Variants in ARL17B observed in about 807,000 individuals in gnomAD.
ARL17B encodes ARF like GTPase 17B.
At chr17:46,340,182 CA>C (rs1271632616) in intron 3 of ARL17B, among the ~76,000 whole-genome samples, 1 of 99,102 alleles carries the variant, frequency 1.0e-5, no homozygotes, top group African/African-American at 3.1e-5. Flanking sequence ...AAGGTATCCA[CA>C]GGGAAATTCA....
intron 4 of ARL17B, among the ~76,000 whole-genome samples, chr17:46,282,204 GCC>G: frequency 8.5e-6 from 1 of 117,588 alleles, no homozygotes; most frequent in Non-Finnish European, 2.2e-5. Flanking sequence ...CCGGGTTCAT[GCC>G]ATTCTCCTGC....
downstream of ARL17B, chr17:46,334,589 T>TA (rs1328019253): frequency 2.6e-5 from 1 of 38,588 alleles, no homozygotes; most frequent in Non-Finnish European, 4.6e-5. Context: ...GCAGCTAATT[T>TA]AAAAAATGTG....
At chr17:46,287,153 C>G (rs2696499) in intron 4 of ARL17B, among the ~76,000 whole-genome samples, 21,698 of 151,742 alleles carry the variant, frequency 0.14, 1,927 homozygotes, top group Non-Finnish European at 0.22. Flanking sequence ...ATCACATGTG[C>G]AAACAAAGTC....
chr17:46,333,267 C>A (rs562987666), downstream of ARL17B, among the ~76,000 whole-genome samples: 17 of 59,364 alleles, frequency 2.9e-4, 3 homozygotes, highest in African/African-American at 5.5e-4. Context: ...TGAGCCTATA[C>A]CCTCTGTGAG....
At chr17:46,284,038 A>G (rs1042903839) in intron 4 of ARL17B, among the ~76,000 whole-genome samples, 2 of 152,170 alleles carry the variant, frequency 1.3e-5, no homozygotes, top group African/African-American at 4.8e-5. Flanking sequence ...GGAACATACA[A>G]TCGGGTTTTA....
At chr17:46,289,032 A>C (rs2049996405) in intron 4 of ARL17B, among the ~76,000 whole-genome samples, 2 of 152,138 alleles carry the variant, frequency 1.3e-5, no homozygotes, top group Non-Finnish European at 2.9e-5. Flanking sequence ...GCATTTTGCC[A>C]TACTTTTTAA....
exon 5 of ARL17B, chr17:46,274,821 C>G (rs1244205671): frequency 6.6e-6 from 1 of 152,256 alleles, no homozygotes; most frequent in Non-Finnish European, 1.5e-5. Context: ...CTCGCTTCTG[C>G]CACAATAATA....
At position 46,323,962 on chromosome 17, in the gene ARL17B, C is replaced by A. The variant is rs1464040918; in HGVS notation, c.260-24297G>T. On this transcript the variant is annotated intron_variant, in intron 3 of 4. Transcript: ENST00000434041. ...CTGAGGCTGTATACAAACATTATGT[C>A]ATTTCATAAAAAAGACCTCAGCATC... Among the ~76,000 whole-genome samples the A allele has an allele frequency of 3.9e-5, 4 of 101,772 alleles. 1 individual carries two copies. In the East Asian group the frequency reaches 9.9e-4, roughly 25 times the overall value. The allele number at this position is 101,772 out of a possible 152,430, so 66.8% of individuals were successfully genotyped here.
intron 4 of ARL17B, among the ~76,000 whole-genome samples, chr17:46,284,166 G>A (rs548756339): frequency 3.2e-4 from 49 of 152,338 alleles, no homozygotes; most frequent in African/African-American, 1.1e-3. Flanking sequence ...ACCCTTTAAG[G>A]GTGTCAGGCT....
chr17:46,279,827 G>A (rs1411056387), intron 4 of ARL17B, among the ~76,000 whole-genome samples: 3 of 152,092 alleles, frequency 2.0e-5, no homozygotes, highest in Non-Finnish European at 4.4e-5. Context: ...TTTGTTTTTA[G>A]TGGCGTTTCT....
intron 4 of ARL17B, among the ~76,000 whole-genome samples, chr17:46,277,578 G>T (rs552815427): frequency 2.0e-5 from 3 of 152,088 alleles, no homozygotes; most frequent in South Asian, 4.1e-4. Flanking sequence ...TGAAATCCAG[G>T]CTCCCTATGA....
At chr17:46,278,473 C>T (rs1160902429) in intron 4 of ARL17B, among the ~76,000 whole-genome samples, 2 of 151,046 alleles carry the variant, frequency 1.3e-5, no homozygotes, top group Non-Finnish European at 2.9e-5. Context: ...GGTGTGATCT[C>T]AGCTCACTGC....
At chr17:46,284,137 CTAA>C (rs2143390562) in intron 4 of ARL17B, among the ~76,000 whole-genome samples, 1 of 152,380 alleles carries the variant, frequency 6.6e-6, no homozygotes, top group South Asian at 2.1e-4. Context: ...TCCTCTTATA[CTAA>C]TCCTCCTCAG....
chr17:46,289,724 C>CTTT (rs1452889379), intron 4 of ARL17B, among the ~76,000 whole-genome samples: 1 of 152,216 alleles, frequency 6.6e-6, no homozygotes, highest in Non-Finnish European at 1.5e-5. Flanking sequence ...TATTTTTCTT[C>CTTT]CTAAATCTTA....
intron 3 of ARL17B, among the ~76,000 whole-genome samples, chr17:46,340,025 A>G (rs1255666970): frequency 3.6e-5 from 2 of 54,946 alleles, no homozygotes; most frequent in African/African-American, 7.2e-5. Context: ...CAGGTAACAC[A>G]CAATCATCCT....
At chr17:46,313,010 G>A (rs1354126282) in intron 3 of ARL17B, among the ~76,000 whole-genome samples, 10 of 111,326 alleles carry the variant, frequency 9.0e-5, no homozygotes, top group Admixed American at 2.9e-4. Flanking sequence ...TCTGGCACCT[G>A]GTGTTCTATA....
chr17:46,290,849 C>T (rs2732600), intron 4 of ARL17B, among the ~76,000 whole-genome samples: 8 of 152,186 alleles, frequency 5.3e-5, no homozygotes, highest in African/African-American at 9.7e-5. Context: ...TGATTCCCCA[C>T]GCCAAAATTT....
intron 4 of ARL17B, among the ~76,000 whole-genome samples, chr17:46,279,691 T>A (rs1396073807): frequency 6.6e-6 from 1 of 152,006 alleles, no homozygotes; most frequent in African/African-American, 2.4e-5. Context: ...AGATGGGGTT[T>A]CCTCATGTTG....
rs1186536273 is a variant in ARL17B, at chr17:46,300,056, A to G, written c.260-391T>C. On this transcript the variant is annotated intron_variant, in intron 3 of 4. Coordinates refer to the ARL17B transcript ENST00000434041. ...TAGGCTCTCTTTAAAATAAGAGGCA[A>G]TTTAAATTTATTTTTTATCATACAA... 7.6e-5 allele frequency among the ~76,000 whole-genome samples: 4 copies of G among 52,690 alleles called. 1 individual carries two copies. The Admixed American group carries it at 8.7e-4, about 11-fold the overall frequency. 34.6% of individuals were successfully genotyped at this position (52,690 alleles called of 152,430 possible). A position where few individuals can be genotyped will look rare whatever the true frequency, so the allele number is the denominator to read the frequency against.
Sources: gnomAD v4.1 joint callset for allele counts (sites outside exome capture counted in the v4.1 genomes callset) on GRCh38, gnomAD v4.1.1 for gene constraint, MANE v1.5 for transcripts, NCBI Gene and HGNC (gene_info 2026-07-23, HGNC 2026-07-21) for gene names.